The following UGT1A1 variants were observed in gnomAD, a reference collection of about 807,000 sequenced individuals.
UGT1A1 encodes UDP glucuronosyltransferase family 1 member A1.
Under a neutral mutation model 40.6 loss-of-function variants are expected in UGT1A1, and 33 were observed. The observed-to-expected ratio is 0.81, with a 90% CI of 0.62 to 1.09. The LOEUF is 1.09. UGT1A1 is among the 50% of genes least tolerant of loss of function. UGT1A1 has a pLI of 0.00. For synonymous variants in UGT1A1, 249 were observed against 265.0 expected, an observed-to-expected ratio of 0.94 and a Z score of 0.59; for missense variants, 694 against 671.2, an observed-to-expected ratio of 1.03 and a Z score of -0.38.
Position 233,760,623 on chromosome 2 carries a change from A to G in UGT1A1, c.336A>G (p.Thr112=), listed in dbSNP as rs181505697. ...CTTTCCTGCAGCGTGTGATCAAAAC[A>G]TACAAGAAAATAAAAAAGGACTCTG... The part of the protein sequence containing the change: ...NDSFLQRVIK[T]YKKIKKDSAM... Residue 112 remains threonine, a synonymous_variant, in exon 1 of 5, where the codon ACA becomes ACG. Transcript: ENST00000305208. 5 of 1,614,198 alleles carry G rather than the reference A, an allele frequency of 3.1e-6. No homozygotes were observed. In the African/African-American group the frequency reaches 6.7e-5, roughly 22 times the overall value.
At chr2:233,768,587 T>C (rs977103062) in intron 4 of UGT1A1, 148 bp downstream of exon 4, 429 of 888,300 alleles carry the variant, frequency 4.8e-4, no homozygotes, top group East Asian at 4.8e-3. Context: ...TTCTTCTTTT[T>C]TTTTTTTTTT....
rs143192680 is a variant in UGT1A1, at chr2:233,767,666, C to G, written c.997-183C>G. 1.9e-3 allele frequency among the ~76,000 whole-genome samples: 295 copies of G among 152,308 alleles called. 3 individuals carry two copies. The highest frequency in any genetic ancestry group is 0.013 in the Admixed American group (199 of 15,308). On this transcript the variant is annotated intron_variant, in intron 2 of 4. Coordinates refer to ENST00000305208, the MANE Select transcript of UGT1A1 (RefSeq NM_000463.3). ...TCACGTAGTGCATACACCCTTGTAA[C>G]TAAACCTCCAAAACAAGATGCCGGA...
chr2:233,760,797 C>T lies in UGT1A1; in HGVS notation c.510C>T (p.Phe170=). ...AGTACCTGTCTCTGCCCACTGTATT[C>T]TTCTTGCATGCACTGCCATGCAGCC... The part of the protein sequence containing the change: ...VAQYLSLPTV[F]FLHALPCSLE... Residue 170 remains phenylalanine, a synonymous_variant, in exon 1 of 5, where the codon TTC becomes TTT. Transcript: ENST00000305208. 6.2e-7 allele frequency: 1 copy of T among 1,613,492 alleles called. No individual in the cohort carries two copies. Among genetic ancestry groups the T allele is most frequent in the Non-Finnish European group, 8.5e-7 (1 of 1,179,520 alleles).
At chr2:233,768,541 A>G in intron 4 of UGT1A1, 102 bp downstream of exon 4, 3 of 1,492,216 alleles carry the variant, frequency 2.0e-6, no homozygotes, top group South Asian at 1.3e-5. Context: ...GTTGTTTCAA[A>G]TATAAAAACA....
Position 233,760,867 on chromosome 2 carries a change from C to T in UGT1A1, c.580C>T (p.Pro194Ser), listed in dbSNP as rs767983942. 1.9e-6 allele frequency: 3 copies of T among 1,614,156 alleles called. No individual in the cohort carries two copies. Among genetic ancestry groups the T allele is most frequent in the Non-Finnish European group, 2.5e-6 (3 of 1,180,022 alleles). Residue 194 changes from proline to serine, a missense_variant, in exon 1 of 5, where the codon CCC (proline) becomes TCC (serine). Coordinates refer to ENST00000305208, the MANE Select transcript of UGT1A1 (RefSeq NM_000463.3). ...GTGCCCCAACCCATTCTCCTACGTG[C>T]CCAGGCCTCTCTCCTCTCATTCAGA... Reference protein sequence around the residue: ...TQCPNPFSYVPRPLSSHSDHM... With the variant: ...TQCPNPFSYVSRPLSSHSDHM...
intron 4 of UGT1A1, among the ~76,000 whole-genome samples, chr2:233,768,799 G>C (rs1295681406): frequency 6.6e-6 from 1 of 151,984 alleles, no homozygotes; most frequent in Admixed American, 6.6e-5. Flanking sequence ...TGTCAGGCTG[G>C]TCTTGAACTC....
Position 233,772,687 on chromosome 2 carries a change from A to G in UGT1A1, c.*128A>G. 2 of 1,493,882 alleles carry G rather than the reference A, an allele frequency of 1.3e-6. No homozygotes were observed. Among genetic ancestry groups the G allele is most frequent in the South Asian group, 2.6e-5 (2 of 76,070 alleles). The allele number at this position is 1,493,882 out of a possible 1,614,324, so 92.5% of individuals were successfully genotyped here. On this transcript the variant is annotated 3_prime_UTR_variant, in exon 5 of 5. Coordinates refer to ENST00000305208, the MANE Select transcript of UGT1A1 (RefSeq NM_000463.3). ...TACTTTGCATAAATTAATCAGCCCC[A>G]GAGTGCTTTAAAAAATTCTCTTAAA...
intron 1 of UGT1A1, among the ~76,000 whole-genome samples, chr2:233,761,874 G>A (rs569608885): frequency 2.0e-5 from 3 of 152,320 alleles, no homozygotes; most frequent in East Asian, 1.9e-4. Context: ...TTCAGAGAGC[G>A]TTCATTCACT....
intron 2 of UGT1A1, 66 bp from the exon 3 acceptor site, chr2:233,767,783 T>C: frequency 6.2e-7 from 1 of 1,613,658 alleles, no homozygotes. Context: ...CTAGTTAGTA[T>C]AGCAGATTTG....
chr2:233,763,622 CTT>C (rs1698359948), intron 1 of UGT1A1, among the ~76,000 whole-genome samples: 1 of 152,186 alleles, frequency 6.6e-6, no homozygotes, highest in Non-Finnish European at 1.5e-5. Context: ...TACCATTCCT[CTT>C]GTGTTGATGG....
rs1217808254 is a variant in UGT1A1 at position 233,763,370 on chromosome 2, A to G, written c.864+2219A>G. On this transcript the variant is annotated intron_variant, in intron 1 of 4. Coordinates refer to ENST00000305208, the MANE Select transcript of UGT1A1 (RefSeq NM_000463.3). ...ACATCTTTAGTACTCCTTTGTCTTC[A>G]AGCTTTCTTCCTTTTTAAACAACAT... is the stretch of plus-strand genomic sequence containing the variant. Among the ~76,000 whole-genome samples the G allele has an allele frequency of 3.3e-5, 5 of 152,290 alleles. No homozygotes were observed. The East Asian group carries it at 9.6e-4, about 29-fold the overall frequency.
chr2:233,766,877 C>G (rs3213726), intron 1 of UGT1A1, among the ~76,000 whole-genome samples, 157 bp from the exon 2 acceptor site: 1 of 152,336 alleles, frequency 6.6e-6, no homozygotes, highest in Non-Finnish European at 1.5e-5. Context: ...GAGGAAAATG[C>G]TGTAAAACTT....
intron 1 of UGT1A1, among the ~76,000 whole-genome samples, chr2:233,764,636 A>G (rs757477318): frequency 9.9e-5 from 15 of 152,106 alleles, no homozygotes; most frequent in Non-Finnish European, 1.9e-4. Flanking sequence ...CAAAGGTCCT[A>G]GGAAATTTAA....
Position 233,760,847 on chromosome 2 carries a change from C to G in UGT1A1, c.560C>G (p.Pro187Arg). The G allele has an allele frequency of 6.2e-7, 1 of 1,614,018 alleles. No individual in the cohort carries two copies. The highest frequency in any genetic ancestry group is 1.1e-5 in the South Asian group (1 of 91,076). Reference sequence around the variant, plus strand: ...CTGGAATTTGAGGCTACCCAGTGCCCCAACCCATTCTCCTACGTGCCCAGG... The same window carrying G: ...CTGGAATTTGAGGCTACCCAGTGCCGCAACCCATTCTCCTACGTGCCCAGG... ...CSLEFEATQCPNPFSYVPRPL... is the reference protein window; with the variant it reads ...CSLEFEATQCRNPFSYVPRPL... Residue 187 changes from proline to arginine, a missense_variant, in exon 1 of 5, where the codon CCC (proline) becomes CGC (arginine). Coordinates refer to ENST00000305208, the MANE Select transcript of UGT1A1 (RefSeq NM_000463.3).
chr2:233,766,051 C>T (rs552293215), intron 1 of UGT1A1, among the ~76,000 whole-genome samples: 2 of 152,294 alleles, frequency 1.3e-5, no homozygotes, highest in African/African-American at 2.4e-5. Flanking sequence ...CTTGTGTTAA[C>T]CAGCTCAATT....
rs777238544 is a variant in UGT1A1, at chr2:233,768,345, A to G, written c.1210A>G (p.Met404Val). ...FGDQMDNAKRMETKGAGVTLN... is the reference protein window; with the variant it reads ...FGDQMDNAKRVETKGAGVTLN... ...TGATCAGATGGACAATGCAAAGCGC[A>G]TGGAGACTAAGGGAGCTGGAGTGAC... Residue 404 changes from methionine (M) to valine (V), a missense_variant, in exon 4 of 5, where the codon ATG (methionine) becomes GTG (valine). Coordinates refer to ENST00000305208, the MANE Select transcript of UGT1A1 (RefSeq NM_000463.3). 3 of 1,614,098 alleles carry G rather than the reference A, an allele frequency of 1.9e-6. No individual in the cohort carries two copies. Among genetic ancestry groups the G allele is most frequent in the Non-Finnish European group, 2.5e-6 (3 of 1,180,044 alleles).
chr2:233,768,088 A>G, intron 3 of UGT1A1, 132 bp from the exon 4 acceptor site: 2 of 1,591,352 alleles, frequency 1.3e-6, no homozygotes, highest in Non-Finnish European at 1.7e-6. Flanking sequence ...CTCAACCCAC[A>G]TTTTCTTCTG....
chr2:233,767,753 C>G, intron 2 of UGT1A1, 96 bp from the exon 3 acceptor site: 1 of 1,599,056 alleles, frequency 6.3e-7, no homozygotes, highest in Non-Finnish European at 8.5e-7. Context: ...AAGACTGTTC[C>G]TTCAGAGGAC....
In UGT1A1 at chr2:233,768,425, C is replaced by T. The variant is rs1021872145; in HGVS notation, c.1290C>T (p.Val430=). Residue 430 remains valine, a synonymous_variant, in exon 4 of 5, where the codon GTC becomes GTT. Transcript: ENST00000305208. The part of the protein sequence containing the change: ...SEDLENALKA[V]INDKSYKENI... ...ATTTAGAAAATGCTCTAAAAGCAGT[C>T]ATCAATGACAAAAGGTAAGAAAGAA... 1.2e-6 allele frequency: 2 copies of T among 1,613,876 alleles called. No homozygotes were observed. The highest frequency in any genetic ancestry group is 1.7e-5 in the Admixed American group (1 of 59,984).
Sources: gnomAD v4.1 joint callset for allele counts (sites outside exome capture counted in the v4.1 genomes callset) on GRCh38, gnomAD v4.1.1 for gene constraint, MANE v1.5 for transcripts, NCBI Gene and HGNC (gene_info 2026-07-23, HGNC 2026-07-21) for gene names.